The following NKX1-2 variants were observed in gnomAD, a reference collection of about 807,000 sequenced individuals.
NKX1-2 encodes NK1 transcription factor-related protein 2.
Under a neutral mutation model 4.4 loss-of-function variants are expected in NKX1-2, and 1 was observed. The ratio of observed to expected loss-of-function variants is 0.23; its 90% CI spans 0.08 to 1.08. The LOEUF (loss-of-function observed/expected upper bound fraction) is 1.08, where lower values mean the gene tolerates loss of function less well. NKX1-2 is among the 50% of genes least tolerant of loss of function. The pLI is 0.55. For missense variants in NKX1-2, 503 were observed against 464.6 expected (o/e 1.08, Z -0.76); for synonymous variants, 235 against 228.0 (o/e 1.03, Z -0.28).
At position 124,447,681 on chromosome 10, in the gene NKX1-2, G is replaced by A. The variant is rs1173603823; in HGVS notation, c.681C>T (p.Gly227=). 5.0e-6 allele frequency: 7 copies of A among 1,410,728 alleles called. No individual in the cohort carries two copies. The highest frequency in any genetic ancestry group is 5.6e-6 in the Non-Finnish European group (6 of 1,071,040). The allele number at this position is 1,410,728 out of a possible 1,614,324, so 87.4% of individuals were successfully genotyped here. ...KWKKQNPGAD[G]AAQVGGGAPQ... is the part of the protein sequence containing the mutation. ...GCGCGCCACCCCCCACCTGCGCCGC[G>A]CCGTCGGCACCCGGGTTCTGCTTCT... is the stretch of plus-strand genomic sequence containing the variant. The change falls in exon 2 of 2, where the codon GGC becomes GGT. Residue 227 remains glycine, a synonymous_variant. Coordinates refer to ENST00000451024, the MANE Select transcript of NKX1-2 (RefSeq NM_001146340.3).
In NKX1-2 at chr10:124,449,960, C is replaced by CCGGCGGT; in HGVS notation, c.-24_-18dup. 6.6e-7 allele frequency: 1 copy of CCGGCGGT among 1,516,544 alleles called. No individual in the cohort carries two copies. The highest frequency in any genetic ancestry group is 8.9e-7 in the Non-Finnish European group (1 of 1,127,224). 93.9% of individuals were successfully genotyped at this position (1,516,544 alleles called of 1,614,324 possible). ...TGCCAGCATGCCCGTCGCCCACGGG[C>CCGGCGGT]CGGCGGTCGGCGGCGCGGGGTTGGG... On this transcript the variant is annotated 5_prime_UTR_variant, in exon 1 of 2. Transcript: ENST00000451024. This position sits in a 1 kb window ranked among gnomAD's most constrained non-coding sequence, Gnocchi z 7.5.
In NKX1-2 at chr10:124,449,602, C is replaced by T. The variant is rs895687837; in HGVS notation, c.214+128G>A. ...CGAGGCGGGGGCTACACTTCGCACC[C>T]GGTCCCGTGCGCCTTCTCTCTGAGG... is the stretch of plus-strand genomic sequence containing the variant. On this transcript the variant is annotated intron_variant, in intron 1 of 1. Coordinates refer to ENST00000451024, the MANE Select transcript of NKX1-2 (RefSeq NM_001146340.3). This position sits in a 1 kb window ranked among gnomAD's most constrained non-coding sequence, Gnocchi z 7.5. The T allele has an allele frequency of 1.3e-6, 1 of 765,884 alleles. No individual in the cohort carries two copies. The highest frequency in any genetic ancestry group is 2.0e-5 in the Admixed American group (1 of 50,038). The allele number at this position is 765,884 out of a possible 1,614,324, so 47.4% of individuals were successfully genotyped here. A position where few individuals can be genotyped will look rare whatever the true frequency, so the allele number is the denominator to read the frequency against.
Position 124,449,412 on chromosome 10 carries a change from G to T in NKX1-2, c.214+318C>A, listed in dbSNP as rs778238459. 4 of 605,734 alleles carry T rather than the reference G, an allele frequency of 6.6e-6. No individual in the cohort carries two copies. The highest frequency in any genetic ancestry group is 4.3e-5 in the Admixed American group (2 of 46,974). 37.5% of individuals were successfully genotyped at this position (605,734 alleles called of 1,614,324 possible). A position where few individuals can be genotyped will look rare whatever the true frequency, so the allele number is the denominator to read the frequency against. On this transcript the variant is annotated intron_variant, in intron 1 of 1. Transcript: ENST00000451024. This position sits in a 1 kb window ranked among gnomAD's most constrained non-coding sequence, Gnocchi z 7.5. Reference sequence around the variant, plus strand: ...GCCCAGGTCCTAGCACGTGGCAAGCGCATTAAATGCCCGATAAATGAGTAA... The same window carrying T: ...GCCCAGGTCCTAGCACGTGGCAAGCTCATTAAATGCCCGATAAATGAGTAA...
Position 124,449,897 on chromosome 10 carries a change from T to C in NKX1-2, c.47A>G (p.His16Arg). Residue 16 changes from histidine to arginine, a missense_variant, in exon 1 of 2, where the codon CAC becomes CGC. Transcript: ENST00000451024. This position sits in a 1 kb window ranked among gnomAD's most constrained non-coding sequence, Gnocchi z 7.5. ...DGGAKAAPSH[H>R]KISFSVLDIL... is the part of the protein sequence containing the mutation. ...GTCCAGGACAGAGAAAGAAATCTTG[T>C]GGTGGGAGGGAGCCGCCTTGGCCCC... is the stretch of plus-strand genomic sequence containing the variant. 4 of 1,549,998 alleles carry C rather than the reference T, an allele frequency of 2.6e-6. No individual in the cohort carries two copies. The highest frequency in any genetic ancestry group is 3.5e-6 in the Non-Finnish European group (4 of 1,145,740).
chr10:124,448,170 A>C lies in NKX1-2; in HGVS notation c.215-23T>G. 7.0e-7 allele frequency: 1 copy of C among 1,423,836 alleles called. No homozygotes were observed. The highest frequency in any genetic ancestry group is 9.1e-7 in the Non-Finnish European group (1 of 1,095,564). 88.2% of individuals were successfully genotyped at this position (1,423,836 alleles called of 1,614,324 possible). ...CATCTAGGGGAGAAGGGGTCGGTGA[A>C]CAGAAGCCTCTCCAGGTCCCCAAAC... On this transcript the variant is annotated intron_variant, in intron 1 of 1. Coordinates refer to ENST00000451024, the MANE Select transcript of NKX1-2 (RefSeq NM_001146340.3). The surrounding 1 kb of genome is among the most constrained non-coding windows in gnomAD (Gnocchi z 4.1).
rs1425293247 is a variant in NKX1-2 at position 124,445,771 on chromosome 10, T to C, written c.*1658A>G. On this transcript the variant is annotated 3_prime_UTR_variant, in exon 2 of 2. Coordinates refer to ENST00000451024, the MANE Select transcript of NKX1-2 (RefSeq NM_001146340.3). Reference sequence around the variant, plus strand: ...GGAAAAGAGTCTAATTAGTGGATATTAAGTAATTAAATAATACATACTATC... The same window carrying C: ...GGAAAAGAGTCTAATTAGTGGATATCAAGTAATTAAATAATACATACTATC... 4 of 152,194 alleles carry C rather than the reference T, an allele frequency of 2.6e-5. No homozygotes were observed. Among genetic ancestry groups the C allele is most frequent in the African/African-American group, 9.7e-5 (4 of 41,438 alleles). The allele number at this position is 152,194 out of a possible 1,614,324, so 9.4% of individuals were successfully genotyped here.
rs925558361 is a variant in NKX1-2 at position 124,445,507 on chromosome 10, A to C, written c.*1922T>G. 1 of 152,230 alleles carries C rather than the reference A, an allele frequency of 6.6e-6. No homozygotes were observed. The highest frequency in any genetic ancestry group is 1.5e-5 in the Non-Finnish European group (1 of 68,042). The allele number at this position is 152,230 out of a possible 1,614,324, so 9.4% of individuals were successfully genotyped here. ...TGGTACCTGAGAAGACTGGAATGAA[A>C]TGTTTCCCATTTATTACAGAATTCA... is the stretch of plus-strand genomic sequence containing the variant. On this transcript the variant is annotated 3_prime_UTR_variant, in exon 2 of 2. Transcript: ENST00000451024.
chr10:124,447,257 G>T lies in NKX1-2; in HGVS notation c.*172C>A. On this transcript the variant is annotated 3_prime_UTR_variant, in exon 2 of 2. Transcript: ENST00000451024. The stretch of plus-strand genomic sequence containing the variant: ...GTCAGCCTCCGTCCCCGGACACTTT[G>T]AAGGACGGCAGATCCCTGACCCCTT... 2.4e-6 allele frequency: 1 copy of T among 424,936 alleles called. No individual in the cohort carries two copies. Among genetic ancestry groups the T allele is most frequent in the Non-Finnish European group, 4.1e-6 (1 of 246,844 alleles). The allele number at this position is 424,936 out of a possible 1,614,324, so 26.3% of individuals were successfully genotyped here.
rs1490978362 is a variant in NKX1-2 at position 124,446,161 on chromosome 10, G to A, written c.*1268C>T. ...AAGGAAATGTATTCCAAGCAAAAGTGGCAAGGGAATTTCACAGAACTAATT... is the reference window on the plus strand; with the variant it reads ...AAGGAAATGTATTCCAAGCAAAAGTAGCAAGGGAATTTCACAGAACTAATT... On this transcript the variant is annotated 3_prime_UTR_variant, in exon 2 of 2. Transcript: ENST00000451024. 6.6e-6 allele frequency: 1 copy of A among 152,086 alleles called. No individual in the cohort carries two copies. Among genetic ancestry groups the A allele is most frequent in the East Asian group, 1.9e-4 (1 of 5,190 alleles). 9.4% of individuals were successfully genotyped at this position (152,086 alleles called of 1,614,324 possible). A position where few individuals can be genotyped will look rare whatever the true frequency, so the allele number is the denominator to read the frequency against.
At position 124,447,904 on chromosome 10, in the gene NKX1-2, C is replaced by T; in HGVS notation, c.458G>A (p.Arg153His). ...GGCGCAGTTGGGCTCCAGGCGCCGG[C>T]GCCTGGGACGCGGGGAGCCGGGGGA... Reference protein sequence around the residue: ...PGSPGSPRPRRRRLEPNCAKP... With the variant: ...PGSPGSPRPRHRRLEPNCAKP... The change falls in exon 2 of 2, where the codon CGC becomes CAC. Residue 153 changes from arginine to histidine, a missense_variant. By Grantham distance (29) the Arg-to-His change is conservative. Transcript: ENST00000451024. The T allele has an allele frequency of 1.4e-6, 2 of 1,409,186 alleles. No individual in the cohort carries two copies. Among genetic ancestry groups the T allele is most frequent in the Middle Eastern group, 2.1e-4 (1 of 4,724 alleles). 87.3% of individuals were successfully genotyped at this position (1,409,186 alleles called of 1,614,324 possible).
chr10:124,447,867 G>A lies in NKX1-2; in HGVS notation c.495C>T (p.Arg165=). The A allele has an allele frequency of 2.8e-6, 4 of 1,448,424 alleles. No homozygotes were observed. In the South Asian group the frequency reaches 5.5e-5, roughly 20 times the overall value. 89.7% of individuals were successfully genotyped at this position (1,448,424 alleles called of 1,614,324 possible). The change falls in exon 2 of 2, where the codon CGC becomes CGT. Residue 165 remains arginine (R), a synonymous_variant. Coordinates refer to ENST00000451024, the MANE Select transcript of NKX1-2 (RefSeq NM_001146340.3). ...RLEPNCAKPR[R]ARTAFTYEQL... ...GCTCGTAGGTGAAGGCGGTGCGCGC[G>A]CGCCGCGGCTTGGCGCAGTTGGGCT...
In NKX1-2 at chr10:124,449,926, G is replaced by C. The variant is rs916993593; in HGVS notation, c.18C>G (p.Asp6Glu). 2 of 1,545,408 alleles carry C rather than the reference G, an allele frequency of 1.3e-6. No homozygotes were observed. Among genetic ancestry groups the C allele is most frequent in the South Asian group, 2.4e-5 (2 of 83,852 alleles). ...GGGAGGGAGCCGCCTTGGCCCCGCC[G>C]TCCTGCCATGCCAGCATGCCCGTCG... MLAWQ[D>E]GGAKAAPSHH... The change falls in exon 1 of 2, where the codon GAC becomes GAG. Residue 6 changes from aspartate (D) to glutamate (E), a missense_variant. Asp to Glu is a conservative substitution (Grantham distance 45). Transcript: ENST00000451024. This position sits in a 1 kb window ranked among gnomAD's most constrained non-coding sequence, Gnocchi z 7.5.
rs755635741 is a variant in NKX1-2 at position 124,447,678 on chromosome 10, C to T, written c.684G>A (p.Ala228=). Residue 228 remains alanine (A), a synonymous_variant, in exon 2 of 2, where the codon GCG becomes GCA. Coordinates refer to ENST00000451024, the MANE Select transcript of NKX1-2 (RefSeq NM_001146340.3). ...GGGGCGCGCCACCCCCCACCTGCGC[C>T]GCGCCGTCGGCACCCGGGTTCTGCT... The part of the protein sequence containing the change: ...WKKQNPGADG[A]AQVGGGAPQP... 1 of 1,409,356 alleles carries T rather than the reference C, an allele frequency of 7.1e-7. No individual in the cohort carries two copies. Among genetic ancestry groups the T allele is most frequent in the Non-Finnish European group, 9.3e-7 (1 of 1,070,414 alleles). 87.3% of individuals were successfully genotyped at this position (1,409,356 alleles called of 1,614,324 possible).
In NKX1-2 at chr10:124,447,329, T is replaced by TCCGGCCGCTGGAAGGGAAGGGGCGCGCG; in HGVS notation, c.*99_*100insCGCGCGCCCCTTCCCTTCCAGCGGCCGG. The TCCGGCCGCTGGAAGGGAAGGGGCGCGCG allele has an allele frequency of 1.4e-6, 1 of 706,452 alleles. No homozygotes were observed. Among genetic ancestry groups the TCCGGCCGCTGGAAGGGAAGGGGCGCGCG allele is most frequent in the Non-Finnish European group, 1.9e-6 (1 of 515,892 alleles). The allele number at this position is 706,452 out of a possible 1,614,324, so 43.8% of individuals were successfully genotyped here. A position where few individuals can be genotyped will look rare whatever the true frequency, so the allele number is the denominator to read the frequency against. On this transcript the variant is annotated 3_prime_UTR_variant, in exon 2 of 2. Coordinates refer to ENST00000451024, the MANE Select transcript of NKX1-2 (RefSeq NM_001146340.3). Reference sequence around the variant, plus strand: ...GTGCGCGCGGCGGGCAGGGGTGCGCTGACACCCGCGCACCTGCACCCCCGG... The same window carrying TCCGGCCGCTGGAAGGGAAGGGGCGCGCG: ...GTGCGCGCGGCGGGCAGGGGTGCGCTCCGGCCGCTGGAAGGGAAGGGGCGCGCGGACACCCGCGCACCTGCACCCCCGG...
In NKX1-2 at chr10:124,447,279, C is replaced by A. The variant is rs1203935969; in HGVS notation, c.*150G>T. 7.9e-6 allele frequency: 4 copies of A among 504,152 alleles called. No individual in the cohort carries two copies. Among genetic ancestry groups the A allele is most frequent in the Admixed American group, 8.8e-5 (2 of 22,768 alleles). 31.2% of individuals were successfully genotyped at this position (504,152 alleles called of 1,614,324 possible). ...TTTGAAGGACGGCAGATCCCTGACC[C>A]CTTGGTGGCCCGCGAGGATCGCGGG... On this transcript the variant is annotated 3_prime_UTR_variant, in exon 2 of 2. Coordinates refer to ENST00000451024, the MANE Select transcript of NKX1-2 (RefSeq NM_001146340.3).
Sources: allele counts gnomAD v4.1 joint callset, GRCh38; gene constraint gnomAD v4.1.1; non-coding constraint Gnocchi (gnomAD v3.1); transcripts MANE v1.5; gene names NCBI Gene and HGNC (gene_info 2026-07-23, HGNC 2026-07-21).